SCHIP1: variants seen among roughly 807,000 people sequenced by gnomAD.
SCHIP1 encodes schwannomin interacting protein 1.
SCHIP1 carries 8 observed loss-of-function variants against 29.7 expected under a neutral mutation model. The ratio of observed to expected loss-of-function variants is 0.27; its 90% CI spans 0.16 to 0.49. The LOEUF (loss-of-function observed/expected upper bound fraction) is 0.49. Among genes scored for constraint, SCHIP1 ranks in the 20% least tolerant of loss-of-function variants. The pLI is 0.99. For synonymous variants in SCHIP1, 76 were observed against 94.9 expected, an observed-to-expected ratio of 0.80 and a Z score of 1.16; for missense variants, 193 against 294.6, an observed-to-expected ratio of 0.66 and a Z score of 2.52.
At chr3:159,623,731 G>C in the SCHIP1 span, among the ~76,000 whole-genome samples, 2 of 152,188 alleles carry the variant, frequency 1.3e-5, no homozygotes, top group Non-Finnish European at 2.9e-5. Context: ...TAGGGTACTT[G>C]TATAAAATTT....
chr3:159,695,491 T>C, the SCHIP1 span, among the ~76,000 whole-genome samples: 3 of 152,282 alleles, frequency 2.0e-5, no homozygotes, highest in East Asian at 3.9e-4. Flanking sequence ...CTCCATCTCA[T>C]ACCTGGTTAC....
chr3:159,588,664 G>A, the SCHIP1 span, among the ~76,000 whole-genome samples: 1 of 152,312 alleles, frequency 6.6e-6, no homozygotes, highest in East Asian at 1.9e-4. Context: ...AAGAGATCCA[G>A]TTTCAGCTTT....
At chr3:159,569,234 G>A in the SCHIP1 span, among the ~76,000 whole-genome samples, 1 of 151,898 alleles carries the variant, frequency 6.6e-6, no homozygotes, top group Non-Finnish European at 1.5e-5. Context: ...TTGATACATA[G>A]GTACACTTGT....
the SCHIP1 span, among the ~76,000 whole-genome samples, chr3:159,521,199 T>C: frequency 6.6e-6 from 1 of 152,180 alleles, no homozygotes; most frequent in Non-Finnish European, 1.5e-5. Context: ...CTTGGACATG[T>C]ATAGTCAGCA....
the SCHIP1 span, among the ~76,000 whole-genome samples, chr3:159,370,859 A>G: frequency 6.6e-6 from 1 of 152,068 alleles, no homozygotes; most frequent in Admixed American, 6.6e-5. Flanking sequence ...TGGGGGTTAT[A>G]CCATTGGCTC....
chr3:159,380,754 C>CGAAG, the SCHIP1 span, among the ~76,000 whole-genome samples: 1 of 152,032 alleles, frequency 6.6e-6, no homozygotes, highest in African/African-American at 2.4e-5. Flanking sequence ...GAATGAGGCC[C>CGAAG]AAAGAGATTT....
chr3:159,832,255 C>T, the SCHIP1 span, among the ~76,000 whole-genome samples: 1 of 152,084 alleles, frequency 6.6e-6, no homozygotes. Context: ...CCTCTTTACT[C>T]GACATTAATT....
At chr3:159,409,394 T>C in the SCHIP1 span, among the ~76,000 whole-genome samples, 12 of 152,092 alleles carry the variant, frequency 7.9e-5, no homozygotes, top group Non-Finnish European at 1.3e-4. Context: ...ATCTAAAGAT[T>C]CCACCAAAAA....
At chr3:159,350,527 A>G in the SCHIP1 span, among the ~76,000 whole-genome samples, 156 of 152,332 alleles carry the variant, frequency 1.0e-3, 2 homozygotes, top group South Asian at 0.024. Flanking sequence ...TGATGATAAA[A>G]TAGGAATTGG....
the SCHIP1 span, among the ~76,000 whole-genome samples, chr3:159,695,429 C>G: frequency 6.6e-6 from 1 of 152,178 alleles, no homozygotes; most frequent in Non-Finnish European, 1.5e-5. Flanking sequence ...TTGATTCCCA[C>G]TGTCACTCCA....
chr3:159,835,619 T>C (rs1743585726), upstream of SCHIP1, among the ~76,000 whole-genome samples: 1 of 152,246 alleles, frequency 6.6e-6, no homozygotes, highest in South Asian at 2.1e-4. Flanking sequence ...TTTATTCTTG[T>C]TTATTCTTTT....
At chr3:159,429,447 G>A in the SCHIP1 span, among the ~76,000 whole-genome samples, 18 of 152,022 alleles carry the variant, frequency 1.2e-4, no homozygotes, top group Non-Finnish European at 2.1e-4. Flanking sequence ...GCATCTAAGT[G>A]ACAAGTTAGA....
the SCHIP1 span, among the ~76,000 whole-genome samples, chr3:159,384,080 C>T: frequency 1.3e-5 from 2 of 151,558 alleles, no homozygotes; most frequent in African/African-American, 4.9e-5. Flanking sequence ...TTCCTCTTTT[C>T]CTAATTGAAT....
chr3:159,717,069 C>T, the SCHIP1 span, among the ~76,000 whole-genome samples: 1 of 152,186 alleles, frequency 6.6e-6, no homozygotes. Context: ...AACTAGAACT[C>T]AGGATTAAGA....
the SCHIP1 span, among the ~76,000 whole-genome samples, chr3:159,344,981 G>C: frequency 6.6e-6 from 1 of 152,172 alleles, no homozygotes; most frequent in African/African-American, 2.4e-5. Flanking sequence ...GGGCACGGTG[G>C]CACACGCCTG....
the SCHIP1 span, among the ~76,000 whole-genome samples, chr3:159,559,101 A>G: frequency 6.6e-6 from 1 of 152,202 alleles, no homozygotes; most frequent in Non-Finnish European, 1.5e-5. Context: ...GAAGAATGGA[A>G]TGGGGACAAG....
the SCHIP1 span, among the ~76,000 whole-genome samples, chr3:159,440,280 T>G: frequency 2.0e-5 from 3 of 152,148 alleles, no homozygotes; most frequent in Admixed American, 6.6e-5. Context: ...CATCTGTTCT[T>G]GTACCAGTAC....
the SCHIP1 span, among the ~76,000 whole-genome samples, chr3:159,706,440 GAA>G: frequency 1.3e-5 from 2 of 152,206 alleles, no homozygotes; most frequent in African/African-American, 4.8e-5. Flanking sequence ...ATTTTAAATG[GAA>G]GTTGAAGTTG....
the SCHIP1 span, among the ~76,000 whole-genome samples, chr3:159,532,426 A>T: frequency 2.1e-4 from 32 of 152,042 alleles, no homozygotes; most frequent in African/African-American, 6.8e-4. Context: ...CATTTGGTTC[A>T]CTCATGTGTG....
Sources: allele counts gnomAD v4.1 joint callset (sites outside exome capture counted in the v4.1 genomes callset), GRCh38; gene constraint gnomAD v4.1.1; transcripts MANE v1.5; gene names NCBI Gene and HGNC (gene_info 2026-07-23, HGNC 2026-07-21).